Variants in GAB2 observed in about 807,000 individuals in gnomAD.
GAB2 encodes the protein GRB2 associated binding protein 2.
Under a neutral mutation model 65.5 loss-of-function variants are expected in GAB2, and 26 were observed. The observed-to-expected ratio is 0.40, with a 90% CI of 0.29 to 0.55. GAB2 has a LOEUF of 0.55. Among genes scored for constraint, GAB2 ranks in the 20% least tolerant of loss-of-function variants. GAB2 has a pLI of 0.53. For missense variants in GAB2, 884 were observed against 875.8 expected, an observed-to-expected ratio of 1.01 and a Z score of -0.12; for synonymous variants, 321 against 329.6, an observed-to-expected ratio of 0.97 and a Z score of 0.28.
At chr11:78,272,324 T>C (rs908013723) in intron 2 of GAB2, among the ~76,000 whole-genome samples, 3 of 152,146 alleles carry the variant, frequency 2.0e-5, no homozygotes, top group African/African-American at 2.4e-5. Flanking sequence ...TAGAGACTTG[T>C]GAATGGCTTT....
chr11:78,374,788 C>T (rs1296744900), intron 1 of GAB2, among the ~76,000 whole-genome samples: 1 of 152,022 alleles, frequency 6.6e-6, no homozygotes, highest in Admixed American at 6.5e-5. Flanking sequence ...TGGATAGACA[C>T]ACCAGGAAAC....
intron 2 of GAB2, among the ~76,000 whole-genome samples, chr11:78,270,853 G>GTTGT (rs1341203174): frequency 6.6e-6 from 1 of 152,332 alleles, no homozygotes; most frequent in African/African-American, 2.4e-5. Context: ...CAACAACGCT[G>GTTGT]TGAGGAGCAT....
At chr11:78,305,442 G>T (rs1855335627) in intron 1 of GAB2, among the ~76,000 whole-genome samples, 1 of 152,156 alleles carries the variant, frequency 6.6e-6, no homozygotes, top group African/African-American at 2.4e-5. Flanking sequence ...GAATGTTTAG[G>T]CAGGGCAAGA....
At chr11:78,329,310 A>G (rs1341749588) in intron 1 of GAB2, among the ~76,000 whole-genome samples, 1 of 152,170 alleles carries the variant, frequency 6.6e-6, no homozygotes, top group Non-Finnish European at 1.5e-5. Flanking sequence ...TATATTAATT[A>G]AAAATCCCTT....
chr11:78,402,290 A>G (rs1002488362), intron 1 of GAB2, among the ~76,000 whole-genome samples: 1 of 134,888 alleles, frequency 7.4e-6, no homozygotes, highest in South Asian at 2.1e-4. Flanking sequence ...AGAAGTAAGG[A>G]AGCCTTTGCT....
chr11:78,415,812 T>C (rs1157810894), intron 1 of GAB2, among the ~76,000 whole-genome samples: 1 of 152,110 alleles, frequency 6.6e-6, no homozygotes, highest in African/African-American at 2.4e-5. Context: ...GGTCATAGAG[T>C]CTGGGTGAGA....
chr11:78,393,308 T>C (rs187224929), intron 1 of GAB2, among the ~76,000 whole-genome samples: 99 of 152,332 alleles, frequency 6.5e-4, no homozygotes, highest in Admixed American at 2.4e-3. Flanking sequence ...AGTTCCCTTA[T>C]TACAATGCCT....
chr11:78,281,538 G>T (rs375312145), intron 1 of GAB2, among the ~76,000 whole-genome samples: 2 of 152,310 alleles, frequency 1.3e-5, no homozygotes, highest in East Asian at 3.9e-4. Context: ...GAGCCACCAT[G>T]CCCAGACGAC....
intron 1 of GAB2, among the ~76,000 whole-genome samples, chr11:78,342,404 C>CA (rs1856111752): frequency 9.1e-6 from 1 of 109,878 alleles, no homozygotes; most frequent in Non-Finnish European, 1.8e-5. Context: ...ACACTTTGCA[C>CA]TTTTTTTTTT....
chr11:78,258,042 A>G (rs1198722599), intron 2 of GAB2, among the ~76,000 whole-genome samples: 1 of 152,160 alleles, frequency 6.6e-6, no homozygotes, highest in Non-Finnish European at 1.5e-5. Flanking sequence ...GCCTAGCTCT[A>G]CCGCCTACTG....
chr11:78,366,557 G>C (rs1856499443), intron 1 of GAB2, among the ~76,000 whole-genome samples: 1 of 134,386 alleles, frequency 7.4e-6, no homozygotes, highest in African/African-American at 2.8e-5. Context: ...CTGTATTCCA[G>C]GCTGGGCGAC....
chr11:78,349,360 T>C (rs1565169251), intron 1 of GAB2, among the ~76,000 whole-genome samples: 1 of 152,196 alleles, frequency 6.6e-6, no homozygotes, highest in Admixed American at 6.5e-5. Flanking sequence ...AGGTGTCTGG[T>C]ACTAAGTTAC....
chr11:78,249,255 G>T (rs984526088), intron 3 of GAB2, among the ~76,000 whole-genome samples: 1 of 152,166 alleles, frequency 6.6e-6, no homozygotes, highest in Admixed American at 6.5e-5. Context: ...GTATTGATTG[G>T]TTCAAATGAG....
intron 1 of GAB2, among the ~76,000 whole-genome samples, chr11:78,375,204 C>T (rs1856618191): frequency 2.0e-5 from 3 of 152,214 alleles, no homozygotes; most frequent in Admixed American, 1.3e-4. Context: ...GCCACTATGC[C>T]CTGCTAATAT....
At chr11:78,405,137 C>T (rs6592774) in intron 1 of GAB2, among the ~76,000 whole-genome samples, 14,114 of 131,460 alleles carry the variant, frequency 0.11, 952 homozygotes, top group Non-Finnish European at 0.16. Context: ...CTAGCTCTGT[C>T]GCCCAGGCTG....
intron 1 of GAB2, among the ~76,000 whole-genome samples, chr11:78,376,872 T>A (rs1382951328): frequency 2.0e-5 from 3 of 152,226 alleles, no homozygotes; most frequent in African/African-American, 7.2e-5. Context: ...TAATCCTTAG[T>A]ACGGGAGGTG....
intron 8 of GAB2, 55 bp from the exon 9 acceptor site, chr11:78,220,499 A>G: frequency 2.7e-6 from 4 of 1,476,702 alleles, no homozygotes; most frequent in African/African-American, 1.4e-5. Context: ...CTAACCCACC[A>G]CCCAGAAAAA....
chr11:78,222,632 G>C (rs528404796), intron 6 of GAB2, among the ~76,000 whole-genome samples: 20 of 151,662 alleles, frequency 1.3e-4, no homozygotes, highest in Admixed American at 5.3e-4. Flanking sequence ...GCTCAGGCTG[G>C]AGTGCAGCGG....
At chr11:78,359,072 T>C (rs748142614) in intron 1 of GAB2, among the ~76,000 whole-genome samples, 2 of 152,072 alleles carry the variant, frequency 1.3e-5, no homozygotes, top group Admixed American at 6.6e-5. Context: ...ACTAAAGATA[T>C]GAAAAAATCA....
Sources: gnomAD v4.1 joint callset for allele counts (sites outside exome capture counted in the v4.1 genomes callset) on GRCh38, gnomAD v4.1.1 for gene constraint, MANE v1.5 for transcripts, NCBI Gene and HGNC (gene_info 2026-07-23, HGNC 2026-07-21) for gene names.